TPRG1: variants seen among roughly 807,000 people sequenced by gnomAD.
TPRG1 encodes the protein tumor protein p63-regulated gene 1 protein.
Under a neutral mutation model 29.3 loss-of-function variants are expected in TPRG1, and 29 were observed. The observed-to-expected ratio is 0.99, with a 90% CI of 0.74 to 1.35. The LOEUF (loss-of-function observed/expected upper bound fraction) is 1.35. Among genes scored for constraint, TPRG1 ranks in the 40% most tolerant of loss-of-function variants. TPRG1 has a pLI of 0.00. For missense variants in TPRG1, 327 were observed against 335.0 expected, an observed-to-expected ratio of 0.98 and a Z score of 0.19; for synonymous variants, 130 against 116.8, an observed-to-expected ratio of 1.11 and a Z score of -0.73.
intron 4 of TPRG1, among the ~76,000 whole-genome samples, chr3:189,081,118 G>T (rs1267102527): frequency 1.3e-5 from 2 of 152,092 alleles, no homozygotes; most frequent in African/African-American, 2.4e-5. Flanking sequence ...ATTGAAACGG[G>T]CTGGTGACTG....
At chr3:189,223,760 C>T (rs1414110795) in intron 3 of TPRG1, among the ~76,000 whole-genome samples, 1 of 152,096 alleles carries the variant, frequency 6.6e-6, no homozygotes, top group Non-Finnish European at 1.5e-5. Flanking sequence ...AAATAGGGAT[C>T]TTAAGAGCGT....
At chr3:189,148,193 C>T (rs1725496443) in intron 4 of TPRG1, among the ~76,000 whole-genome samples, 1 of 152,194 alleles carries the variant, frequency 6.6e-6, no homozygotes, top group African/African-American at 2.4e-5. Flanking sequence ...TGTCCACACA[C>T]TGCCATCTGG....
At chr3:189,235,490 G>A (rs1739318978) in intron 3 of TPRG1, among the ~76,000 whole-genome samples, 1 of 152,140 alleles carries the variant, frequency 6.6e-6, no homozygotes, top group Non-Finnish European at 1.5e-5. Flanking sequence ...CGGTGAGTCT[G>A]AATGACTCCC....
intron 2 of TPRG1, 121 bp downstream of exon 2, chr3:189,207,715 AATCATGAAGTAGCT>A: frequency 1.1e-6 from 1 of 900,674 alleles, no homozygotes; most frequent in Non-Finnish European, 1.7e-6. Context: ...TCGTCATAAT[AATCATGAAGTAGCT>A]ATCCTTATCC....
chr3:189,165,397 G>C (rs557994089), intron 5 of TPRG1, among the ~76,000 whole-genome samples: 55 of 104,250 alleles, frequency 5.3e-4, no homozygotes, highest in Non-Finnish European at 1.0e-3. Context: ...TGACTGTCAC[G>C]ATAGATGGAG....
At chr3:189,311,197 G>T (rs1204302596) in intron 5 of TPRG1, among the ~76,000 whole-genome samples, 1 of 152,158 alleles carries the variant, frequency 6.6e-6, no homozygotes, top group Non-Finnish European at 1.5e-5. Context: ...AGTCAAGAAG[G>T]AAAACAGCTG....
exon 3 of TPRG1, chr3:189,132,421 G>A (rs1264778880): frequency 1.3e-5 from 2 of 152,122 alleles, no homozygotes; most frequent in African/African-American, 4.8e-5. Context: ...AAATGTGTGC[G>A]ACCCTTCTGA....
intron 4 of TPRG1, among the ~76,000 whole-genome samples, chr3:189,245,393 T>A (rs1175922081): frequency 6.6e-6 from 1 of 152,194 alleles, no homozygotes; most frequent in Non-Finnish European, 1.5e-5. Flanking sequence ...CCAGAGATTT[T>A]GATATGTTGT....
intron 5 of TPRG1, among the ~76,000 whole-genome samples, chr3:189,159,840 A>ATGTGTGTGTGTG (rs57781182): frequency 7.2e-6 from 1 of 138,486 alleles, no homozygotes. Context: ...GTGTTTGTGT[A>ATGTGTGTGTGTG]TGTGTGTGTG....
chr3:189,222,934 G>T (rs1578897214), intron 3 of TPRG1, among the ~76,000 whole-genome samples: 1 of 152,186 alleles, frequency 6.6e-6, no homozygotes. Flanking sequence ...GCCTTCTCCT[G>T]TCATTCAGGG....
intron 1 of TPRG1, among the ~76,000 whole-genome samples, chr3:189,201,221 A>C (rs1318381916): frequency 2.6e-5 from 4 of 152,226 alleles, no homozygotes; most frequent in African/African-American, 7.2e-5. Context: ...AAGGCAGTGA[A>C]GATTGGGATA....
chr3:189,110,085 C>T (rs571172285), intron 1 of TPRG1, among the ~76,000 whole-genome samples: 1 of 152,196 alleles, frequency 6.6e-6, no homozygotes, highest in African/African-American at 2.4e-5. Context: ...CATTAGCATA[C>T]AGGATTTTGT....
At chr3:189,022,944 A>G (rs930196349) in intron 3 of TPRG1, among the ~76,000 whole-genome samples, 7 of 152,214 alleles carry the variant, frequency 4.6e-5, no homozygotes, top group Non-Finnish European at 1.0e-4. Context: ...CAGTTTTTTA[A>G]GCCCGTCGGA....
chr3:189,082,501 A>G (rs1262461515), intron 4 of TPRG1, among the ~76,000 whole-genome samples: 1 of 152,172 alleles, frequency 6.6e-6, no homozygotes, highest in African/African-American at 2.4e-5. Context: ...CCAACTCTTG[A>G]AGGCTATAGG....
intron 1 of TPRG1, among the ~76,000 whole-genome samples, chr3:189,122,281 C>T (rs538994192): frequency 6.6e-6 from 1 of 152,272 alleles, no homozygotes; most frequent in East Asian, 1.9e-4. Flanking sequence ...GTTTGTTACA[C>T]AAGCAGTTTG....
At chr3:189,019,467 T>A (rs1429630849) in intron 3 of TPRG1, among the ~76,000 whole-genome samples, 2 of 152,232 alleles carry the variant, frequency 1.3e-5, no homozygotes, top group East Asian at 3.8e-4. Context: ...GTCAAAGGCC[T>A]TTTCTGCATC....
intron 5 of TPRG1, chr3:189,315,643 T>A: frequency 2.8e-6 from 1 of 354,988 alleles, no homozygotes; most frequent in Non-Finnish European, 5.7e-6. Flanking sequence ...TTCAAGGGGA[T>A]CATGTAAATG....
chr3:189,088,398 G>T (rs183672272), intron 4 of TPRG1, among the ~76,000 whole-genome samples: 86 of 152,152 alleles, frequency 5.7e-4, no homozygotes, highest in Admixed American at 2.1e-3. Flanking sequence ...AAGGAGATTT[G>T]GGGCTGAGAC....
intron 1 of TPRG1, among the ~76,000 whole-genome samples, chr3:189,102,017 C>G (rs1030074866): frequency 6.6e-6 from 1 of 152,084 alleles, no homozygotes; most frequent in African/African-American, 2.4e-5. Context: ...TATTCTGGCT[C>G]TAGAGAGGAT....
Sources: allele counts gnomAD v4.1 joint callset (sites outside exome capture counted in the v4.1 genomes callset), GRCh38; gene constraint gnomAD v4.1.1; transcripts MANE v1.5; gene names NCBI Gene and HGNC (gene_info 2026-07-23, HGNC 2026-07-21).